PTPRN2: variants seen among roughly 807,000 people sequenced by gnomAD.
PTPRN2 encodes receptor-type tyrosine-protein phosphatase N2.
PTPRN2 carries 74 observed loss-of-function variants against 118.8 expected under a neutral mutation model. The ratio of observed to expected loss-of-function variants is 0.62; its 90% confidence interval spans 0.52 to 0.76. The LOEUF is 0.76. Among genes scored for constraint, PTPRN2 ranks in the 30% least tolerant of loss-of-function variants. The pLI is 0.00. For synonymous variants in PTPRN2, 641 were observed against 608.0 expected, an observed-to-expected ratio of 1.05 and a Z score of -0.80; for missense variants, 1,481 against 1,394.4, an observed-to-expected ratio of 1.06 and a Z score of -0.99.
intron 9 of PTPRN2, among the ~76,000 whole-genome samples, chr7:158,112,764 T>C (rs1816391038): frequency 6.6e-6 from 1 of 151,506 alleles, no homozygotes; most frequent in Admixed American, 6.6e-5. Flanking sequence ...GGGCAGTGCA[T>C]CCATGTGTGC....
At chr7:158,348,595 G>A (rs1029182982) in intron 2 of PTPRN2, among the ~76,000 whole-genome samples, 3 of 152,278 alleles carry the variant, frequency 2.0e-5, no homozygotes, top group Admixed American at 6.5e-5. Context: ...CCTGAGTGCT[G>A]AGCTGGGCCA....
At chr7:158,230,034 G>T (rs533168232) in intron 3 of PTPRN2, among the ~76,000 whole-genome samples, 2 of 152,286 alleles carry the variant, frequency 1.3e-5, no homozygotes, top group African/African-American at 4.8e-5. Flanking sequence ...GCTCTCATTT[G>T]TCTGGCAACC....
chr7:157,789,609 GA>G (rs1804300733), intron 12 of PTPRN2, among the ~76,000 whole-genome samples: 1 of 152,198 alleles, frequency 6.6e-6, no homozygotes, highest in South Asian at 2.1e-4. Context: ...CCCAGCCTTT[GA>G]CAGTGTGTGT....
intron 12 of PTPRN2, among the ~76,000 whole-genome samples, chr7:157,853,895 G>A (rs1043485501): frequency 1.6e-4 from 25 of 152,140 alleles, no homozygotes; most frequent in Non-Finnish European, 2.2e-4. Context: ...CCAACAAGAC[G>A]GGGGTCCTTA....
Position 157,845,392 on chromosome 7 carries a change from GCAGCC to G in PTPRN2, c.1788+53276_1788+53280del, listed in dbSNP as rs761475794. ...TCCCGGCCACGCCACAGTGAATCAC[GCAGCC>G]TAACTCACCAGGTTACTGGCCTAAC... On this transcript the variant is annotated intron_variant, in intron 12 of 22. Transcript: ENST00000389418. The surrounding 1 kb of genome is among the most constrained non-coding windows in gnomAD (Gnocchi z 4.5). Among the ~76,000 whole-genome samples the G allele has an allele frequency of 0.031, 4,782 of 151,910 alleles. 257 individuals are homozygous for G. The highest frequency in any genetic ancestry group is 0.11 in the African/African-American group (4,461 of 41,344).
chr7:157,640,898 A>C (rs1804627950), intron 14 of PTPRN2, among the ~76,000 whole-genome samples: 1 of 152,264 alleles, frequency 6.6e-6, no homozygotes, highest in Non-Finnish European at 1.5e-5. Flanking sequence ...TGAAAGAAGG[A>C]TATCTTTCAG....
intron 2 of PTPRN2, among the ~76,000 whole-genome samples, chr7:158,414,222 G>C (rs1368810870): frequency 1.3e-5 from 2 of 152,118 alleles, no homozygotes; most frequent in Non-Finnish European, 2.9e-5. Context: ...CCATAGCAGA[G>C]CTCTCCCGAT....
chr7:157,593,792 T>C (rs1650390848), intron 17 of PTPRN2, among the ~76,000 whole-genome samples: 1 of 152,140 alleles, frequency 6.6e-6, no homozygotes, highest in South Asian at 2.1e-4. Context: ...GGGAAAGGCA[T>C]GTTCTCACCG....
At chr7:157,658,303 C>T (rs10271809) in intron 13 of PTPRN2, among the ~76,000 whole-genome samples, 1,794 of 152,232 alleles carry the variant, frequency 0.012, 32 homozygotes, top group African/African-American at 0.041. Flanking sequence ...AAAGCAATGT[C>T]CAAGAGCCCA....
chr7:157,906,366 G>A (rs571896035), intron 11 of PTPRN2, among the ~76,000 whole-genome samples: 9 of 152,322 alleles, frequency 5.9e-5, no homozygotes, highest in African/African-American at 2.2e-4. Flanking sequence ...TCGCAGGGCT[G>A]ATCACAATTC....
rs1167283750 is a variant in PTPRN2 at position 157,619,585 on chromosome 7, C to T, written c.2344+1777G>A. ...TTCTAAATATAAAATTTATAAATCA[C>T]ACAGCTTCTGTTTTTAGATCTCTTT... On this transcript the variant is annotated intron_variant, in intron 15 of 22. Transcript: ENST00000389418. This position sits in a 1 kb window ranked among gnomAD's most constrained non-coding sequence, Gnocchi z 5.3. Among the ~76,000 whole-genome samples, 1 of 152,234 alleles carries T rather than the reference C, an allele frequency of 6.6e-6. No homozygotes were observed. The highest frequency in any genetic ancestry group is 2.4e-5 in the African/African-American group (1 of 41,460).
chr7:157,750,298 G>A (rs993179266), intron 12 of PTPRN2, among the ~76,000 whole-genome samples: 1 of 152,078 alleles, frequency 6.6e-6, no homozygotes, highest in African/African-American at 2.4e-5. Flanking sequence ...TGTGGTTTTG[G>A]CCAAACGATC....
intron 6 of PTPRN2, among the ~76,000 whole-genome samples, chr7:158,151,713 C>T (rs1357336920): frequency 6.6e-6 from 1 of 152,130 alleles, no homozygotes; most frequent in Non-Finnish European, 1.5e-5. Context: ...AATCTTCCTC[C>T]CTCCCTCCCT....
intron 1 of PTPRN2, among the ~76,000 whole-genome samples, chr7:158,557,095 C>T (rs1257454975): frequency 1.4e-5 from 2 of 143,218 alleles, no homozygotes; most frequent in Non-Finnish European, 3.0e-5. Flanking sequence ...GGCTCCTGTG[C>T]AGGTCGCTCC....
chr7:158,297,841 A>G (rs1312427162), intron 3 of PTPRN2, among the ~76,000 whole-genome samples: 1 of 152,216 alleles, frequency 6.6e-6, no homozygotes, highest in East Asian at 1.9e-4. Flanking sequence ...GACAGAATGA[A>G]TTTCCTATTG....
intron 2 of PTPRN2, among the ~76,000 whole-genome samples, chr7:158,336,526 G>A: frequency 2.3e-5 from 3 of 128,852 alleles, no homozygotes; most frequent in African/African-American, 1.0e-4. Context: ...CTCACCATAA[G>A]AGGTGAAACC....
chr7:158,471,952 C>T (rs1163050624), intron 2 of PTPRN2, among the ~76,000 whole-genome samples: 3 of 152,182 alleles, frequency 2.0e-5, no homozygotes, highest in Non-Finnish European at 4.4e-5. Flanking sequence ...TGTGGCCCAC[C>T]TGACTCCAAT....
At chr7:157,875,234 G>A (rs1218370622) in intron 12 of PTPRN2, among the ~76,000 whole-genome samples, 3 of 152,322 alleles carry the variant, frequency 2.0e-5, no homozygotes, top group Non-Finnish European at 2.9e-5. Flanking sequence ...GCTTGGAAAC[G>A]GTCCAGACCG....
chr7:158,037,097 A>G (rs1808133722), intron 11 of PTPRN2, among the ~76,000 whole-genome samples: 1 of 152,252 alleles, frequency 6.6e-6, no homozygotes, highest in Non-Finnish European at 1.5e-5. Context: ...AACCAATTAT[A>G]TAATATCTTG....
Sources: allele counts gnomAD v4.1 joint callset (sites outside exome capture counted in the v4.1 genomes callset), GRCh38; gene constraint gnomAD v4.1.1; non-coding constraint Gnocchi (gnomAD v3.1); transcripts MANE v1.5; gene names NCBI Gene and HGNC (gene_info 2026-07-23, HGNC 2026-07-21).